CSMD2: variants seen among roughly 807,000 people sequenced by gnomAD.
CSMD2 encodes the protein CUB and Sushi multiple domains 2.
A neutral mutation model predicts 398.5 loss-of-function variants in CSMD2; 130 were observed. The ratio of observed to expected loss-of-function variants is 0.33; its 90% confidence interval spans 0.28 to 0.38. The LOEUF (loss-of-function observed/expected upper bound fraction) is 0.38. CSMD2 is among the 10% of genes least tolerant of loss of function. CSMD2 has a pLI of 1.00. For synonymous variants in CSMD2, 1,828 were observed against 1,908.5 expected (o/e 0.96, Z 1.10); for missense variants, 3,829 against 4,764.9 (o/e 0.80, Z 5.78).
At chr1:33,790,836 TC>T (rs1468339799) in intron 11 of CSMD2, among the ~76,000 whole-genome samples, 6 of 151,882 alleles carry the variant, frequency 4.0e-5, no homozygotes, top group Non-Finnish European at 8.8e-5. Context: ...TATCTATCTA[TC>T]TATCTATCAT....
intron 3 of CSMD2, among the ~76,000 whole-genome samples, chr1:34,005,518 G>A (rs528017404): frequency 9.2e-5 from 14 of 152,308 alleles, no homozygotes; most frequent in African/African-American, 3.1e-4. Flanking sequence ...GTCCTGACTA[G>A]GGCAAGGACA....
rs1655432376 is a variant in CSMD2 at position 33,533,293 on chromosome 1, C to T, written c.9992-64G>A. 7.1e-7 allele frequency: 1 copy of T among 1,417,620 alleles called. No individual in the cohort carries two copies. The highest frequency in any genetic ancestry group is 9.8e-7 in the Non-Finnish European group (1 of 1,020,158). 87.8% of individuals were successfully genotyped at this position (1,417,620 alleles called of 1,614,324 possible). On this transcript the variant is annotated intron_variant, in intron 63 of 70. Coordinates refer to ENST00000373381, the MANE Select transcript of CSMD2 (RefSeq NM_001281956.2). The surrounding 1 kb of genome is among the most constrained non-coding windows in gnomAD (Gnocchi z 4.2). ...TAGGGGCTTCAGGGGCCCTTTCGAC[C>T]ATTCCCCTGTTCCTAGATAGAATAT...
At chr1:33,544,831 TTATA>T (rs56072818) in intron 57 of CSMD2, among the ~76,000 whole-genome samples, 93 of 141,860 alleles carry the variant, frequency 6.6e-4, no homozygotes, top group Middle Eastern at 3.5e-3. Context: ...CACTGTGCAT[TTATA>T]TATATATATA....
intron 55 of CSMD2, among the ~76,000 whole-genome samples, chr1:33,553,567 G>T (rs1346708192): frequency 6.6e-6 from 1 of 152,172 alleles, no homozygotes; most frequent in African/African-American, 2.4e-5. Context: ...GAAATGAAGA[G>T]TTGTGTCTCT....
intron 53 of CSMD2, among the ~76,000 whole-genome samples, chr1:33,564,241 A>C (rs1016067814): frequency 1.3e-5 from 2 of 152,194 alleles, no homozygotes; most frequent in Non-Finnish European, 2.9e-5. Context: ...CTGAGACCTA[A>C]TGAGGTAAAT....
At chr1:34,110,245 G>A (rs1660938202) in intron 1 of CSMD2, among the ~76,000 whole-genome samples, 1 of 152,068 alleles carries the variant, frequency 6.6e-6, no homozygotes, top group Admixed American at 6.5e-5. Context: ...CACTGTTGGT[G>A]AGAGTGTAAA....
chr1:34,099,867 A>G (rs1659778210), intron 1 of CSMD2, among the ~76,000 whole-genome samples: 1 of 152,194 alleles, frequency 6.6e-6, no homozygotes, highest in Non-Finnish European at 1.5e-5. Flanking sequence ...TGCTGAATGG[A>G]TAGATCAATT....
intron 25 of CSMD2, among the ~76,000 whole-genome samples, chr1:33,665,668 T>C (rs1056313336): frequency 1.3e-5 from 2 of 151,954 alleles, no homozygotes; most frequent in Non-Finnish European, 2.9e-5. Flanking sequence ...ATTCAAGCAA[T>C]CCTCCTGCCT....
Position 33,572,676 on chromosome 1 carries a change from A to G in CSMD2, c.7592T>C (p.Leu2531Pro). The G allele has an allele frequency of 6.2e-7, 1 of 1,611,590 alleles. No individual in the cohort carries two copies. Among genetic ancestry groups the G allele is most frequent in the Non-Finnish European group, 8.5e-7 (1 of 1,178,158 alleles). The change falls in exon 50 of 71, where the codon CTT becomes CCT. Residue 2531 changes from leucine (L) to proline (P), a missense_variant. By Grantham distance (98) the Leu-to-Pro change is moderately conservative. Coordinates refer to ENST00000373381, the MANE Select transcript of CSMD2 (RefSeq NM_001281956.2). Reference sequence around the variant, plus strand: ...CATTCCATTCTTGGGGGCCTCAGGAAGCCCACAGGAAAGAGCTAGCAAAAG... The same window carrying G: ...CATTCCATTCTTGGGGGCCTCAGGAGGCCCACAGGAAAGAGCTAGCAAAAG... ...IPLCQALSCGLPEAPKNGMVF... is the reference protein window; with the variant it reads ...IPLCQALSCGPPEAPKNGMVF...
At chr1:33,582,193 G>A (rs1246807262) in intron 47 of CSMD2, among the ~76,000 whole-genome samples, 34 of 152,134 alleles carry the variant, frequency 2.2e-4, no homozygotes, top group Admixed American at 2.2e-3. Flanking sequence ...AGAACACAGA[G>A]GCCAGGTGGA....
intron 1 of CSMD2, among the ~76,000 whole-genome samples, chr1:34,150,613 GTTCAA>G (rs1640218065): frequency 1.3e-5 from 2 of 152,144 alleles, no homozygotes; most frequent in South Asian, 4.1e-4. Context: ...GGGCCTGAGT[GTTCAA>G]CAAGGGACAG....
Position 33,615,098 on chromosome 1 carries a change from T to C in CSMD2, c.6017-478A>G, listed in dbSNP as rs183378468. Reference sequence around the variant, plus strand: ...CCATGCCAGGCTCTTCTCAAATATATATTTCAGGGGGCAGGGTGGGCGGCA... The same window carrying C: ...CCATGCCAGGCTCTTCTCAAATATACATTTCAGGGGGCAGGGTGGGCGGCA... On this transcript the variant is annotated intron_variant, in intron 39 of 70. Coordinates refer to ENST00000373381, the MANE Select transcript of CSMD2 (RefSeq NM_001281956.2). Among the ~76,000 whole-genome samples, 25 of 152,252 alleles carry C rather than the reference T, an allele frequency of 1.6e-4. No homozygotes were observed. In the East Asian group the frequency reaches 4.6e-3, roughly 28 times the overall value.
chr1:33,602,670 G>T, intron 42 of CSMD2, 124 bp from the exon 43 acceptor site: 2 of 852,052 alleles, frequency 2.3e-6, no homozygotes, highest in Non-Finnish European at 3.5e-6. Flanking sequence ...TGGGTGGGAT[G>T]CGGAAGGGGA....
At chr1:34,081,825 G>C (rs563663985) in intron 2 of CSMD2, among the ~76,000 whole-genome samples, 3 of 152,160 alleles carry the variant, frequency 2.0e-5, no homozygotes, top group East Asian at 1.9e-4. Flanking sequence ...CCGCCACCCC[G>C]TCTAGGAAGT....
Position 33,559,032 on chromosome 1 carries a change from C to T in CSMD2, c.8554+268G>A, listed in dbSNP as rs964264771. ...AACGGGGCTTTATAAGATAATGATA[C>T]ATTATTTGTTCAATGAAAGGTAAAA... On this transcript the variant is annotated intron_variant, in intron 54 of 70. Coordinates refer to ENST00000373381, the MANE Select transcript of CSMD2 (RefSeq NM_001281956.2). The surrounding 1 kb of genome is among the most constrained non-coding windows in gnomAD (Gnocchi z 4.0). Among the ~76,000 whole-genome samples the T allele has an allele frequency of 3.3e-5, 5 of 152,098 alleles. No individual in the cohort carries two copies. The highest frequency in any genetic ancestry group is 5.9e-5 in the Non-Finnish European group (4 of 68,034).
chr1:33,909,282 C>T (rs759243631), intron 5 of CSMD2, among the ~76,000 whole-genome samples: 12 of 152,122 alleles, frequency 7.9e-5, no homozygotes, highest in Non-Finnish European at 1.8e-4. Flanking sequence ...GTGCAGCTCC[C>T]TCTGCCTGGA....
Position 33,626,482 on chromosome 1 carries a change from A to G in CSMD2, c.5296+4T>C. The G allele has an allele frequency of 6.2e-7, 1 of 1,600,178 alleles. No individual in the cohort carries two copies. The highest frequency in any genetic ancestry group is 1.3e-5 in the African/African-American group (1 of 74,770). ...CCTACCTCCGGCGTCCATGTCCTCC[A>G]TACCTTGGTAGACAAAGTGGAAGCC... On this transcript the variant is annotated splice_donor_region_variant and intron_variant, in intron 33 of 70. Transcript: ENST00000373381.
At chr1:33,601,132 C>T (rs139222162) in intron 43 of CSMD2, 122 bp from the exon 44 acceptor site, 62 of 1,244,654 alleles carry the variant, frequency 5.0e-5, no homozygotes, top group African/African-American at 4.8e-4. Context: ...TTTGTACCAA[C>T]ACTTCCCCAC....
At chr1:33,658,789 A>C (rs1369433508) in intron 26 of CSMD2, among the ~76,000 whole-genome samples, 2 of 152,204 alleles carry the variant, frequency 1.3e-5, no homozygotes, top group African/African-American at 4.8e-5. Flanking sequence ...CTTTAAGCCC[A>C]GGAGGTTAAG....
Sources: allele counts gnomAD v4.1 joint callset (sites outside exome capture counted in the v4.1 genomes callset), GRCh38; gene constraint gnomAD v4.1.1; non-coding constraint Gnocchi (gnomAD v3.1); transcripts MANE v1.5; gene names NCBI Gene and HGNC (gene_info 2026-07-23, HGNC 2026-07-21).